Variants in SPSB4 observed in about 807,000 individuals in gnomAD.
SPSB4 encodes splA/ryanodine receptor domain and SOCS box containing 4.
Under a neutral mutation model 20.9 loss-of-function variants are expected in SPSB4, and 21 were observed. That is an observed-to-expected ratio of 1.01 (90% CI 0.71 to 1.45). The LOEUF (loss-of-function observed/expected upper bound fraction) is 1.45. Among genes scored for constraint, SPSB4 ranks in the 40% most tolerant of loss-of-function variants. SPSB4 has a pLI of 0.00. For synonymous variants in SPSB4, 207 were observed against 183.8 expected, an observed-to-expected ratio of 1.13 and a Z score of -1.02; for missense variants, 399 against 399.2, an observed-to-expected ratio of 1.00 and a Z score of 0.00.
At chr3:141,063,078 A>C (rs973971619) in intron 1 of SPSB4, among the ~76,000 whole-genome samples, 2 of 152,182 alleles carry the variant, frequency 1.3e-5, no homozygotes, top group African/African-American at 4.8e-5. Context: ...TCGGTCTTCA[A>C]TTGTGGATCG....
intron 2 of SPSB4, among the ~76,000 whole-genome samples, chr3:141,135,960 C>G (rs1201266495): frequency 1.3e-5 from 2 of 152,208 alleles, no homozygotes; most frequent in African/African-American, 4.8e-5. Flanking sequence ...GTCCCACCAA[C>G]AGTGTAAAAG....
In SPSB4 at chr3:141,112,644, C is replaced by CAAAAAA. The variant is rs60396514; in HGVS notation, c.695-34478_695-34473dup. On this transcript the variant is annotated intron_variant, in intron 2 of 2. Coordinates refer to ENST00000310546, the MANE Select transcript of SPSB4 (RefSeq NM_080862.3). ...TGGGCGACAGAGCGAGACTCCGTCT[C>CAAAAAA]AAAAAAAAAAAAAAAAAAAAAAAAA... Among the ~76,000 whole-genome samples, 42 of 32,854 alleles carry CAAAAAA rather than the reference C, an allele frequency of 1.3e-3. 3 individuals carry two copies. The highest frequency in any genetic ancestry group is 2.6e-3 in the East Asian group (3 of 1,140). The allele number at this position is 32,854 out of a possible 152,430, so 21.6% of individuals were successfully genotyped here.
chr3:141,063,375 T>C (rs555985442), intron 1 of SPSB4, among the ~76,000 whole-genome samples: 2 of 152,358 alleles, frequency 1.3e-5, no homozygotes, highest in South Asian at 2.1e-4. Flanking sequence ...ATTTCGGTCT[T>C]AGTTTTACTA....
chr3:141,085,803 G>T (rs575086922), intron 2 of SPSB4, among the ~76,000 whole-genome samples: 1 of 152,364 alleles, frequency 6.6e-6, no homozygotes, highest in East Asian at 1.9e-4. Context: ...TCTGCCAGAA[G>T]GTCCCCTCCC....
In SPSB4 at chr3:141,051,877, G is replaced by C. The variant is rs148916878; in HGVS notation, c.-269G>C. On this transcript the variant is annotated 5_prime_UTR_variant, in exon 1 of 3. Transcript: ENST00000310546. ...CCGTGCGGAGAGAGCCGGCATTTGC[G>C]GGTCACTCGGGCGCCCCTGAGTGGG... 1.3e-5 allele frequency: 2 copies of C among 152,218 alleles called. No homozygotes were observed. Among genetic ancestry groups the C allele is most frequent in the Non-Finnish European group, 2.9e-5 (2 of 68,082 alleles). The allele number at this position is 152,218 out of a possible 1,614,324, so 9.4% of individuals were successfully genotyped here. A position where few individuals can be genotyped will look rare whatever the true frequency, so the allele number is the denominator to read the frequency against.
chr3:141,112,202 A>G (rs1938809951), intron 2 of SPSB4, among the ~76,000 whole-genome samples: 2 of 152,226 alleles, frequency 1.3e-5, no homozygotes, highest in Admixed American at 1.3e-4. Flanking sequence ...GTAAATGAAG[A>G]TGCCAAGGGT....
intron 2 of SPSB4, among the ~76,000 whole-genome samples, chr3:141,106,415 T>A (rs1412850119): frequency 2.6e-5 from 4 of 152,176 alleles, no homozygotes; most frequent in African/African-American, 9.7e-5. Flanking sequence ...CTGCTCTGAC[T>A]GCAGTCCTCT....
At position 141,089,013 on chromosome 3, in the gene SPSB4, A is replaced by G. The variant is rs149766264; in HGVS notation, c.694+22215A>G. Among the ~76,000 whole-genome samples the G allele has an allele frequency of 8.0e-4, 122 of 152,334 alleles. 2 individuals carry two copies. The highest frequency in any genetic ancestry group is 2.8e-3 in the African/African-American group (116 of 41,578). On this transcript the variant is annotated intron_variant, in intron 2 of 2. Transcript: ENST00000310546. ...TTTCACAGAGTACAAACGGGGCCAC[A>G]CTGAACTTACCAGTGTGCAACTCGC...
rs9647343 is a variant in SPSB4, at chr3:141,147,886, C to A, written c.*617C>A. ...ACACCTTCCGGCTTACCTCTTTGAA[C>A]GTTGTTTACCTACCCCTTTCCACGT... On this transcript the variant is annotated 3_prime_UTR_variant, in exon 3 of 3. Coordinates refer to ENST00000310546, the MANE Select transcript of SPSB4 (RefSeq NM_080862.3). The A allele has an allele frequency of 0.12, 19,082 of 152,984 alleles. 1,418 individuals are homozygous for A. Among genetic ancestry groups the A allele is most frequent in the African/African-American group, 0.2 (8,365 of 41,500 alleles). 9.5% of individuals were successfully genotyped at this position (152,984 alleles called of 1,614,324 possible).
At chr3:141,112,901 G>T (rs1265564626) in intron 2 of SPSB4, among the ~76,000 whole-genome samples, 1 of 152,068 alleles carries the variant, frequency 6.6e-6, no homozygotes, top group Non-Finnish European at 1.5e-5. Context: ...TTCTGACAGG[G>T]GCCTCTGAGG....
chr3:141,087,316 G>GT (rs1480639123), intron 2 of SPSB4, among the ~76,000 whole-genome samples: 1 of 152,198 alleles, frequency 6.6e-6, no homozygotes, highest in Non-Finnish European at 1.5e-5. Flanking sequence ...AGTGGGAGCT[G>GT]TGTGACAGTC....
In SPSB4 at chr3:141,131,824, TG is replaced by T. The variant is rs1939135637; in HGVS notation, c.695-15317del. On this transcript the variant is annotated intron_variant, in intron 2 of 2. Coordinates refer to ENST00000310546, the MANE Select transcript of SPSB4 (RefSeq NM_080862.3). ...ATGAACATTTTGGTGAACATGTATA[TG>T]CTTTTCTGTTAGGTGTTTACCCAGG... 3.3e-5 allele frequency among the ~76,000 whole-genome samples: 5 copies of T among 152,246 alleles called. No homozygotes were observed. In the South Asian group the frequency reaches 1.0e-3, roughly 32 times the overall value.
chr3:141,071,242 C>T (rs935566507), intron 2 of SPSB4, among the ~76,000 whole-genome samples: 2 of 152,176 alleles, frequency 1.3e-5, no homozygotes, highest in Non-Finnish European at 1.5e-5. Context: ...GGAATTGCTC[C>T]GTGGCTCCCC....
At chr3:141,096,871 AAC>A (rs1427675569) in intron 2 of SPSB4, among the ~76,000 whole-genome samples, 1 of 152,148 alleles carries the variant, frequency 6.6e-6, no homozygotes, top group Non-Finnish European at 1.5e-5. Context: ...GCCCTTGAAA[AAC>A]ACATAGTCCA....
intron 2 of SPSB4, among the ~76,000 whole-genome samples, chr3:141,074,030 A>C (rs1038998281): frequency 6.6e-6 from 1 of 152,230 alleles, no homozygotes; most frequent in Non-Finnish European, 1.5e-5. Context: ...GGTTCATGGA[A>C]GTCTGGCTTG....
intron 2 of SPSB4, among the ~76,000 whole-genome samples, chr3:141,099,386 A>G (rs1335442777): frequency 6.6e-6 from 1 of 152,108 alleles, no homozygotes; most frequent in Non-Finnish European, 1.5e-5. Context: ...TGACTAAATA[A>G]TATGTCACCA....
chr3:141,096,419 T>G (rs1938548665), intron 2 of SPSB4, among the ~76,000 whole-genome samples: 1 of 152,214 alleles, frequency 6.6e-6, no homozygotes, highest in South Asian at 2.1e-4. Flanking sequence ...TATTGACCAG[T>G]CTCAGAGAAC....
At chr3:141,055,035 C>A (rs547857772) in intron 1 of SPSB4, among the ~76,000 whole-genome samples, 1 of 152,018 alleles carries the variant, frequency 6.6e-6, no homozygotes. Context: ...CTGACAAGCA[C>A]GTCTTAATGC....
At chr3:141,122,065 G>A (rs193040735) in intron 2 of SPSB4, among the ~76,000 whole-genome samples, 57 of 152,254 alleles carry the variant, frequency 3.7e-4, no homozygotes, top group Non-Finnish European at 7.2e-4. Context: ...TCTACGTTTG[G>A]TTTTTGATGT....
Sources: allele counts gnomAD v4.1 joint callset (sites outside exome capture counted in the v4.1 genomes callset), GRCh38; gene constraint gnomAD v4.1.1; transcripts MANE v1.5; gene names NCBI Gene and HGNC (gene_info 2026-07-23, HGNC 2026-07-21).